RIMS1: variants seen among roughly 807,000 people sequenced by gnomAD.
RIMS1 encodes regulating synaptic membrane exocytosis protein 1.
A neutral mutation model predicts 214.1 loss-of-function variants in RIMS1; 83 were observed. That is an observed-to-expected ratio of 0.39 (90% CI 0.32 to 0.47). The LOEUF is 0.47. Ranked by LOEUF, RIMS1 falls within the 20% of genes least tolerant of loss-of-function variation. The pLI is 0.99. For missense variants in RIMS1, 2,050 were observed against 2,161.8 expected (o/e 0.95, Z 1.03); for synonymous variants, 793 against 786.8 (o/e 1.01, Z -0.13).
intron 6 of RIMS1, among the ~76,000 whole-genome samples, chr6:72,193,946 G>C (rs943352917): frequency 6.6e-6 from 1 of 152,058 alleles, no homozygotes. Flanking sequence ...TTTTTTTAGA[G>C]TAATTCAAGT....
intron 4 of RIMS1, among the ~76,000 whole-genome samples, chr6:72,170,389 G>A (rs2046863916): frequency 6.6e-6 from 1 of 152,096 alleles, no homozygotes; most frequent in Non-Finnish European, 1.5e-5. Context: ...TGTTGCCCAG[G>A]CTGGCATGCA....
intron 6 of RIMS1, among the ~76,000 whole-genome samples, chr6:72,230,146 T>A (rs1322324265): frequency 6.6e-6 from 1 of 151,824 alleles, no homozygotes; most frequent in East Asian, 1.9e-4. Context: ...GAAAATCTAT[T>A]CTATTAATAT....
At chr6:72,366,221 A>T (rs1006687357) in intron 29 of RIMS1, among the ~76,000 whole-genome samples, 15 of 152,246 alleles carry the variant, frequency 9.9e-5, no homozygotes, top group African/African-American at 3.6e-4. Context: ...ATCAGTGTTT[A>T]ATAAGTATAT....
intron 28 of RIMS1, among the ~76,000 whole-genome samples, chr6:72,320,902 A>G (rs926921059): frequency 2.0e-5 from 3 of 152,030 alleles, no homozygotes; most frequent in Non-Finnish European, 2.9e-5. Flanking sequence ...TTTTTAAAGT[A>G]TATTTTTACT....
chr6:72,148,702 C>A, intron 4 of RIMS1: 2 of 375,072 alleles, frequency 5.3e-6, no homozygotes, highest in Admixed American at 3.8e-5. Flanking sequence ...TTTGGGTTTG[C>A]GGAGACTTGG....
intron 1 of RIMS1, among the ~76,000 whole-genome samples, chr6:71,960,926 CAA>C (rs1792765423): frequency 6.6e-6 from 1 of 151,894 alleles, no homozygotes; most frequent in African/African-American, 2.4e-5. Flanking sequence ...CCCAACAAGC[CAA>C]AGAGGAAACT....
At chr6:72,396,461 A>G (rs774118280) in intron 31 of RIMS1, among the ~76,000 whole-genome samples, 14 of 152,206 alleles carry the variant, frequency 9.2e-5, no homozygotes, top group Non-Finnish European at 1.9e-4. Context: ...ATAAAAATGT[A>G]GATGTGCTGT....
rs1465893946 is a variant in RIMS1 at position 72,089,840 on chromosome 6, TA to T, written c.246-7102del. Among the ~76,000 whole-genome samples the T allele has an allele frequency of 1.5e-3, 221 of 143,578 alleles. 2 individuals are homozygous for T. Among genetic ancestry groups the T allele is most frequent in the Middle Eastern group, 7.1e-3 (2 of 280 alleles). The allele number at this position is 143,578 out of a possible 152,430, so 94.2% of individuals were successfully genotyped here. A position where few individuals can be genotyped will look rare whatever the true frequency, so the allele number is the denominator to read the frequency against. On this transcript the variant is annotated intron_variant, in intron 2 of 33. Coordinates refer to ENST00000521978, the MANE Select transcript of RIMS1 (RefSeq NM_014989.7). ...TACACCATGGAATACTATGCAGCCA[TA>T]AAAAAATGATGAGTTCATGTCTTTT...
At chr6:72,118,774 T>G (rs1203158378) in intron 4 of RIMS1, among the ~76,000 whole-genome samples, 1 of 151,570 alleles carries the variant, frequency 6.6e-6, no homozygotes, top group African/African-American at 2.4e-5. Context: ...AATCCAGCAT[T>G]CCTTTACGAT....
intron 1 of RIMS1, among the ~76,000 whole-genome samples, chr6:71,918,875 G>A (rs1779183035): frequency 6.6e-6 from 1 of 152,134 alleles, no homozygotes; most frequent in Non-Finnish European, 1.5e-5. Flanking sequence ...CTTGGCATTA[G>A]CATCCTTCTA....
intron 2 of RIMS1, among the ~76,000 whole-genome samples, chr6:72,044,052 G>T (rs890646587): frequency 6.6e-6 from 1 of 151,448 alleles, no homozygotes; most frequent in Non-Finnish European, 1.5e-5. Flanking sequence ...AAAAACTGGT[G>T]TGTATTTTTC....
At chr6:72,299,233 A>G (rs761249273) in intron 26 of RIMS1, among the ~76,000 whole-genome samples, 2 of 151,884 alleles carry the variant, frequency 1.3e-5, no homozygotes, top group Non-Finnish European at 2.9e-5. Context: ...TTTAGATACT[A>G]TTTTTTAAGT....
intron 4 of RIMS1, among the ~76,000 whole-genome samples, chr6:72,169,873 T>C (rs942638460): frequency 5.9e-5 from 9 of 152,226 alleles, no homozygotes; most frequent in African/African-American, 2.2e-4. Context: ...ATGGTGCCAC[T>C]GCACTCCAGC....
rs533790473 is a variant in RIMS1, at chr6:72,329,897, G to A, written c.4131-3703G>A. 9.2e-5 allele frequency among the ~76,000 whole-genome samples: 14 copies of A among 151,828 alleles called. No individual in the cohort carries two copies. The East Asian group carries it at 9.7e-4, about 11-fold the overall frequency. On this transcript the variant is annotated intron_variant, in intron 28 of 33. Transcript: ENST00000521978. ...TTATTAGATATATCCAAGCAGATAC[G>A]TCAGTTGACAGCTGGATATATAAAT...
intron 4 of RIMS1, among the ~76,000 whole-genome samples, chr6:72,128,433 A>G (rs1015380977): frequency 6.6e-6 from 1 of 151,046 alleles, no homozygotes; most frequent in South Asian, 2.2e-4. Context: ...TGCCCCCTTT[A>G]AAAAAAATGT....
chr6:71,914,838 A>G (rs975911299), intron 1 of RIMS1, among the ~76,000 whole-genome samples: 11 of 152,134 alleles, frequency 7.2e-5, no homozygotes, highest in African/African-American at 2.7e-4. Flanking sequence ...AAATGTTAAG[A>G]AACAAAACAT....
chr6:72,263,445 T>C lies in RIMS1; in HGVS notation c.3117-1530T>C. On this transcript the variant is annotated intron_variant, in intron 19 of 33. Transcript: ENST00000521978. ...AACAGGCTTGGAGACTTAATCGAAT[T>C]ACCCAGGTCACAGCCAATAAGTGGC... The C allele has an allele frequency of 3.1e-6, 3 of 974,192 alleles. No individual in the cohort carries two copies. In the South Asian group the frequency reaches 1.4e-4, roughly 46 times the overall value. The allele number at this position is 974,192 out of a possible 1,614,324, so 60.3% of individuals were successfully genotyped here. A position where few individuals can be genotyped will look rare whatever the true frequency, so the allele number is the denominator to read the frequency against.
chr6:72,318,184 T>G (rs1453359420), intron 28 of RIMS1, among the ~76,000 whole-genome samples: 1 of 152,174 alleles, frequency 6.6e-6, no homozygotes. Context: ...ATCATTTAAT[T>G]GGCTAGCTTA....
In RIMS1 at chr6:71,985,711, G is replaced by A. The variant is rs114572802; in HGVS notation, c.245+16648G>A. ...TTTAGTTAGTTTTTGAGAAACAGCC[G>A]TTAAACATTTATCAGCAGACCACTG... On this transcript the variant is annotated intron_variant, in intron 2 of 33. Coordinates refer to ENST00000521978, the MANE Select transcript of RIMS1 (RefSeq NM_014989.7). Among the ~76,000 whole-genome samples, 442 of 152,176 alleles carry A rather than the reference G, an allele frequency of 2.9e-3. 2 individuals are homozygous for A. The highest frequency in any genetic ancestry group is 9.9e-3 in the African/African-American group (413 of 41,524).
Sources: allele counts gnomAD v4.1 joint callset (sites outside exome capture counted in the v4.1 genomes callset), GRCh38; gene constraint gnomAD v4.1.1; transcripts MANE v1.5; gene names NCBI Gene and HGNC (gene_info 2026-07-23, HGNC 2026-07-21).